Variants in ZCCHC14 observed in about 807,000 individuals in gnomAD.
ZCCHC14 encodes zinc finger CCHC-type containing 14, also known as zinc finger CCHC domain-containing protein 14.
ZCCHC14 carries 16 observed loss-of-function variants against 85.0 expected under a neutral mutation model. That is an observed-to-expected ratio of 0.19 (90% CI 0.13 to 0.29). The LOEUF (loss-of-function observed/expected upper bound fraction) is 0.29. Among genes scored for constraint, ZCCHC14 ranks in the 10% least tolerant of loss-of-function variants. The pLI is 1.00. For synonymous variants in ZCCHC14, 775 were observed against 630.7 expected, an observed-to-expected ratio of 1.23 and a Z score of -3.43; for missense variants, 1,303 against 1,443.5, an observed-to-expected ratio of 0.90 and a Z score of 1.58.
At chr16:87,418,565 G>C (rs980782583) in intron 7 of ZCCHC14, among the ~76,000 whole-genome samples, 3 of 152,236 alleles carry the variant, frequency 2.0e-5, no homozygotes, top group African/African-American at 7.2e-5. Context: ...CTGGGAGCAG[G>C]TTTCTCACAG....
intron 3 of ZCCHC14, 88 bp downstream of exon 3, chr16:87,433,040 G>T: frequency 7.3e-7 from 1 of 1,372,604 alleles, no homozygotes; most frequent in Non-Finnish European, 1.0e-6. Flanking sequence ...ACAAGGCACA[G>T]CCTTAGCTAG....
intron 1 of ZCCHC14, among the ~76,000 whole-genome samples, chr16:87,475,371 G>A (rs1446451806): frequency 6.6e-6 from 1 of 152,030 alleles, no homozygotes; most frequent in African/African-American, 2.4e-5. Flanking sequence ...GGCCAACATG[G>A]CAAAACCCTG....
At chr16:87,458,390 G>A (rs951670898) in intron 2 of ZCCHC14, among the ~76,000 whole-genome samples, 4 of 152,172 alleles carry the variant, frequency 2.6e-5, no homozygotes, top group Non-Finnish European at 4.4e-5. Flanking sequence ...CGGTGAAGAC[G>A]CTCAACCAAG....
chr16:87,466,984 G>A (rs1257764308), intron 1 of ZCCHC14, among the ~76,000 whole-genome samples: 1 of 149,594 alleles, frequency 6.7e-6, no homozygotes. Flanking sequence ...ATAAAAACAA[G>A]CCCTGGAAAA....
intron 3 of ZCCHC14, among the ~76,000 whole-genome samples, chr16:87,432,762 C>G (rs991408808): frequency 1.8e-4 from 28 of 152,214 alleles, no homozygotes; most frequent in African/African-American, 6.8e-4. Flanking sequence ...GCGTTCCCTG[C>G]CCAGACCAAG....
chr16:87,457,102 G>A (rs1597435688), intron 2 of ZCCHC14, among the ~76,000 whole-genome samples: 1 of 152,202 alleles, frequency 6.6e-6, no homozygotes, highest in Non-Finnish European at 1.5e-5. Flanking sequence ...CCCACGAGGG[G>A]CAGGGGGCTC....
intron 9 of ZCCHC14, 58 bp from the exon 10 acceptor site, chr16:87,414,599 T>C: frequency 6.4e-7 from 1 of 1,554,640 alleles, no homozygotes; most frequent in Non-Finnish European, 8.7e-7. Flanking sequence ...CTGCCTCACA[T>C]GCGGCTTCAA....
chr16:87,412,569 T>G lies in ZCCHC14; in HGVS notation c.2152A>C (p.Ser718Arg), dbSNP rs781116596. The stretch of plus-strand genomic sequence containing the variant: ...GAGACTGTGGGTGACATGGAGCTGC[T>G]CTCCGAAAGCCCAGAGAGGACCTGC... ...PVQVLSGLSE[S>R]SSMSPTVSFG... Residue 718 changes from serine (S) to arginine (R), a missense_variant, in exon 12 of 13, where the codon AGC becomes CGC. Transcript: ENST00000671377. 1.2e-6 allele frequency: 2 copies of G among 1,613,920 alleles called. No homozygotes were observed. Among genetic ancestry groups the G allele is most frequent in the Admixed American group, 3.3e-5 (2 of 59,998 alleles).
Position 87,411,923 on chromosome 16 carries a change from C to A in ZCCHC14, c.2798G>T (p.Ser933Ile). 1.9e-6 allele frequency: 3 copies of A among 1,604,012 alleles called. No homozygotes were observed. The highest frequency in any genetic ancestry group is 2.5e-6 in the Non-Finnish European group (3 of 1,176,642). ...IVCTSCGCSG[S>I]CGSSGLTVSY... The stretch of plus-strand genomic sequence containing the variant: ...GACAGTCAGGCCACTCGAGCCGCAG[C>A]TGCCGCTGCAGCCACAGGACGTGCA... The change falls in exon 12 of 13, where the codon AGC (serine) becomes ATC (isoleucine). Residue 933 changes from serine (S) to isoleucine (I), a missense_variant. Physicochemically the swap from Ser to Ile is moderately radical, Grantham distance 142 (BLOSUM62 -2). Coordinates refer to ENST00000671377, the MANE Select transcript of ZCCHC14 (RefSeq NM_015144.3).
chr16:87,424,140 T>C (rs377732463), intron 3 of ZCCHC14, among the ~76,000 whole-genome samples: 56 of 152,382 alleles, frequency 3.7e-4, no homozygotes, highest in African/African-American at 1.3e-3. Flanking sequence ...GGTCTACAGC[T>C]GCCTCCTGTA....
At chr16:87,427,014 C>G (rs1909406316) in intron 3 of ZCCHC14, among the ~76,000 whole-genome samples, 1 of 152,246 alleles carries the variant, frequency 6.6e-6, no homozygotes, top group African/African-American at 2.4e-5. Flanking sequence ...CGCGGGCTCG[C>G]GTGCACGCCA....
chr16:87,417,980 G>A (rs748974385), intron 7 of ZCCHC14: 7 of 533,156 alleles, frequency 1.3e-5, no homozygotes, highest in Admixed American at 9.9e-5. Context: ...GCATACAGGC[G>A]GCTGTGCATA....
In ZCCHC14 at chr16:87,459,997, C is replaced by A. The variant is rs185653597; in HGVS notation, c.694+11G>T. ...GTCAGACGTCCTCCTGAAACCCGTGCGTGCACTCACCTTTGCTGTGTTTTC... is the reference window on the plus strand; with the variant it reads ...GTCAGACGTCCTCCTGAAACCCGTGAGTGCACTCACCTTTGCTGTGTTTTC... On this transcript the variant is annotated intron_variant, in intron 2 of 12. Transcript: ENST00000671377. The A allele has an allele frequency of 6.2e-7, 1 of 1,614,064 alleles. No individual in the cohort carries two copies. The highest frequency in any genetic ancestry group is 8.5e-7 in the Non-Finnish European group (1 of 1,179,948).
chr16:87,459,036 T>C (rs763710953), intron 2 of ZCCHC14, among the ~76,000 whole-genome samples: 5 of 152,166 alleles, frequency 3.3e-5, no homozygotes, highest in Non-Finnish European at 7.3e-5. Flanking sequence ...TACTATGGCA[T>C]GGTTACCAAC....
intron 1 of ZCCHC14, among the ~76,000 whole-genome samples, chr16:87,481,444 C>A (rs889165090): frequency 6.7e-6 from 1 of 150,098 alleles, no homozygotes; most frequent in African/African-American, 2.5e-5. Flanking sequence ...GCTTCCCTGG[C>A]ATACTGCCTC....
rs1911179494 is a variant in ZCCHC14, at chr16:87,460,028, G to A, written c.674C>T (p.Pro225Leu). The A allele has an allele frequency of 2.5e-6, 4 of 1,614,044 alleles. No homozygotes were observed. Among genetic ancestry groups the A allele is most frequent in the African/African-American group, 1.3e-5 (1 of 75,004 alleles). Reference sequence around the variant, plus strand: ...CTCACCTTTGCTGTGTTTTCCTAAGGGCCTCTTGGGCAGCGACTCCTCCGT... The same window carrying A: ...CTCACCTTTGCTGTGTTTTCCTAAGAGCCTCTTGGGCAGCGACTCCTCCGT... ...HSTEESLPKR[P>L]LGKHSKVSVE... The change falls in exon 2 of 13, where the codon CCC becomes CTC. Residue 225 changes from proline to leucine, a missense_variant. Around this residue, in one of 7 missense-constraint regions of ZCCHC14, gnomAD observed 389 missense variants for 397.8 expected, o/e 0.98. Transcript: ENST00000671377.
chr16:87,416,490 G>A (rs1004315487), intron 8 of ZCCHC14, among the ~76,000 whole-genome samples: 27 of 152,056 alleles, frequency 1.8e-4, no homozygotes, highest in African/African-American at 5.6e-4. Flanking sequence ...AGGCGCGGTG[G>A]CTCATGCCTG....
At chr16:87,448,586 A>C (rs1378920701) in intron 2 of ZCCHC14, among the ~76,000 whole-genome samples, 1 of 152,052 alleles carries the variant, frequency 6.6e-6, no homozygotes, top group African/African-American at 2.4e-5. Context: ...TCTACCTTGT[A>C]TCTCCACATT....
chr16:87,461,426 G>T (rs934844163), intron 1 of ZCCHC14, among the ~76,000 whole-genome samples: 2 of 152,208 alleles, frequency 1.3e-5, no homozygotes, highest in African/African-American at 4.8e-5. Context: ...AAATTTCGGA[G>T]GATATGAGAG....
Sources: allele counts gnomAD v4.1 joint callset (sites outside exome capture counted in the v4.1 genomes callset), GRCh38; gene constraint gnomAD v4.1.1; regional missense constraint gnomAD v4.1.1; transcripts MANE v1.5; gene names NCBI Gene and HGNC (gene_info 2026-07-23, HGNC 2026-07-21).